Variants in ANK3 observed in about 807,000 individuals in gnomAD.
ANK3 encodes the protein ankyrin-3.
A neutral mutation model predicts 370.9 loss-of-function variants in ANK3; 57 were observed. The observed-to-expected ratio is 0.15, with a 90% CI of 0.12 to 0.19. The LOEUF (loss-of-function observed/expected upper bound fraction) is 0.19. ANK3 is among the 10% of genes least tolerant of loss of function. The probability of loss-of-function intolerance (pLI) is 1.00; values close to 1 mark genes in which losing one functional copy is unlikely to be tolerated. For synonymous variants in ANK3, 1,929 were observed against 1,946.3 expected (o/e 0.99, Z 0.23); for missense variants, 4,439 against 5,302.1 (o/e 0.84, Z 5.06).
At chr10:60,181,256 A>G (rs2096175948) in intron 18 of ANK3, 73 bp downstream of exon 18, 1 of 1,263,460 alleles carries the variant, frequency 7.9e-7, no homozygotes. Context: ...TCCTGATACA[A>G]TTATAGTTTC....
At chr10:60,667,343 T>A (rs979877031) in intron 1 of ANK3, among the ~76,000 whole-genome samples, 1 of 151,342 alleles carries the variant, frequency 6.6e-6, no homozygotes, top group Admixed American at 6.6e-5. Context: ...CTCTTAAAAG[T>A]CTAAGGAACC....
intron 2 of ANK3, among the ~76,000 whole-genome samples, chr10:60,527,855 C>A (rs1345250591): frequency 6.6e-6 from 1 of 152,010 alleles, no homozygotes; most frequent in Non-Finnish European, 1.5e-5. Context: ...GATTAGAGCC[C>A]AAATTCCTAT....
At position 60,636,431 on chromosome 10, in the gene ANK3, C is replaced by T. The variant is rs569171187; in HGVS notation, c.58-21207G>A. ...CAATTCCTCTGTTCTTAACGTTGTC[C>T]AACTTTCTTCTCTTCGTGTGATGGC... On this transcript the variant is annotated intron_variant, in intron 1 of 43. Transcript: ENST00000373827. 1.4e-4 allele frequency among the ~76,000 whole-genome samples: 22 copies of T among 152,276 alleles called. 1 individual carries two copies. Among genetic ancestry groups the T allele is most frequent in the Non-Finnish European group, 4.4e-5 (3 of 68,028 alleles).
At chr10:60,702,707 T>C (rs928450544) in intron 1 of ANK3, among the ~76,000 whole-genome samples, 9 of 152,188 alleles carry the variant, frequency 5.9e-5, no homozygotes, top group Admixed American at 3.9e-4. Flanking sequence ...AAACGAACTA[T>C]GGGTTTAGAA....
chr10:60,370,863 C>T (rs2060013192), intron 1 of ANK3, among the ~76,000 whole-genome samples: 1 of 152,142 alleles, frequency 6.6e-6, no homozygotes, highest in South Asian at 2.1e-4. Flanking sequence ...GATAACATTT[C>T]TTACTTTGCA....
intron 9 of ANK3, among the ~76,000 whole-genome samples, chr10:60,208,595 A>T (rs2096799607): frequency 2.0e-5 from 3 of 152,104 alleles, no homozygotes; most frequent in African/African-American, 7.2e-5. Flanking sequence ...GCCTGAAGCG[A>T]TCCTCCTGCC....
At chr10:60,333,124 A>C (rs940420997) in intron 1 of ANK3, among the ~76,000 whole-genome samples, 12 of 152,078 alleles carry the variant, frequency 7.9e-5, no homozygotes, top group Admixed American at 7.9e-4. Flanking sequence ...TAAAGTCTCC[A>C]AATTTCCATA....
At chr10:60,464,148 G>A (rs1190866162) in intron 2 of ANK3, among the ~76,000 whole-genome samples, 1 of 152,132 alleles carries the variant, frequency 6.6e-6, no homozygotes, top group Non-Finnish European at 1.5e-5. Flanking sequence ...CCAGAGATAA[G>A]GGTGCTAATC....
At chr10:60,554,640 T>C (rs1255118287) in intron 2 of ANK3, among the ~76,000 whole-genome samples, 1 of 152,184 alleles carries the variant, frequency 6.6e-6, no homozygotes, top group Non-Finnish European at 1.5e-5. Context: ...GTCCAATAGA[T>C]GCTGACATCT....
chr10:60,676,603 C>T (rs1312080432), intron 1 of ANK3, among the ~76,000 whole-genome samples: 1 of 152,126 alleles, frequency 6.6e-6, no homozygotes, highest in East Asian at 1.9e-4. Context: ...AGTCATAGGA[C>T]TCATTAAGGA....
At chr10:60,200,667 C>T (rs918090805) in intron 12 of ANK3, among the ~76,000 whole-genome samples, 1 of 151,958 alleles carries the variant, frequency 6.6e-6, no homozygotes, top group African/African-American at 2.4e-5. Flanking sequence ...CCAGCCTTAC[C>T]ATGCCACACC....
At chr10:60,544,046 G>T (rs1047969208) in intron 2 of ANK3, among the ~76,000 whole-genome samples, 1 of 152,064 alleles carries the variant, frequency 6.6e-6, no homozygotes, top group Non-Finnish European at 1.5e-5. Context: ...CTCTCTGCCT[G>T]GCTTGCTACA....
chr10:60,694,416 G>A (rs141837303), intron 1 of ANK3, among the ~76,000 whole-genome samples: 3,519 of 152,160 alleles, frequency 0.023, 51 homozygotes, highest in Non-Finnish European at 0.034. Flanking sequence ...GATACTCCTC[G>A]AGAAGAGCAA....
chr10:60,111,811 T>C (rs1411080093), intron 26 of ANK3: 2 of 448,656 alleles, frequency 4.5e-6, no homozygotes, highest in Non-Finnish European at 8.9e-6. Context: ...TAATGTAATA[T>C]AATTAGAAGC....
intron 1 of ANK3, among the ~76,000 whole-genome samples, chr10:60,305,122 C>T (rs1462922957): frequency 1.3e-5 from 2 of 152,172 alleles, no homozygotes; most frequent in African/African-American, 4.8e-5. Flanking sequence ...TATCCCCATG[C>T]CCGGCTTCAC....
chr10:60,226,616 A>C (rs2132509296), intron 8 of ANK3, among the ~76,000 whole-genome samples: 1 of 113,806 alleles, frequency 8.8e-6, no homozygotes, highest in Non-Finnish European at 1.7e-5. Context: ...TCAAAAGCAA[A>C]AGTCACTATA....
chr10:60,454,877 T>C (rs967491910), intron 2 of ANK3, among the ~76,000 whole-genome samples: 1 of 152,198 alleles, frequency 6.6e-6, no homozygotes, highest in Non-Finnish European at 1.5e-5. Context: ...AGTTCTCAAA[T>C]AGTTTTTTAT....
intron 11 of ANK3, among the ~76,000 whole-genome samples, chr10:60,204,188 A>G (rs2096726507): frequency 6.6e-6 from 1 of 152,212 alleles, no homozygotes; most frequent in African/African-American, 2.4e-5. Flanking sequence ...CAATTAGGAA[A>G]ATGAGAATTT....
intron 1 of ANK3, among the ~76,000 whole-genome samples, chr10:60,666,697 A>G (rs1283061250): frequency 6.6e-6 from 1 of 152,204 alleles, no homozygotes; most frequent in Non-Finnish European, 1.5e-5. Context: ...GTAAAAAATA[A>G]TGTAGACTAT....
Sources: allele counts gnomAD v4.1 joint callset (sites outside exome capture counted in the v4.1 genomes callset), GRCh38; gene constraint gnomAD v4.1.1; transcripts MANE v1.5; gene names NCBI Gene and HGNC (gene_info 2026-07-23, HGNC 2026-07-21).